CARS1: variants seen among roughly 807,000 people sequenced by gnomAD.
The protein encoded by CARS1 is cysteinyl-tRNA synthetase 1.
Under a neutral mutation model 106.2 loss-of-function variants are expected in CARS1, and 48 were observed. The observed-to-expected ratio is 0.45, with a 90% CI of 0.36 to 0.57. The LOEUF (loss-of-function observed/expected upper bound fraction) is 0.57. Ranked by LOEUF, CARS1 falls within the 20% of genes least tolerant of loss-of-function variation. The pLI is 0.00. For synonymous variants in CARS1, 409 were observed against 403.4 expected, an observed-to-expected ratio of 1.01 and a Z score of -0.17; for missense variants, 968 against 1,057.2, an observed-to-expected ratio of 0.92 and a Z score of 1.17.
rs780883071 is a variant in CARS1, at chr11:3,018,516, G to C, written c.1526-5C>G. 1 of 1,612,914 alleles carries C rather than the reference G, an allele frequency of 6.2e-7. No individual in the cohort carries two copies. Among genetic ancestry groups the C allele is most frequent in the Admixed American group, 1.7e-5 (1 of 60,020 alleles). On this transcript the variant is annotated splice_region_variant and splice_polypyrimidine_tract_variant and intron_variant, in intron 13 of 22. Transcript: ENST00000380525. ...AGGCCAGCCGCAACTGCCGTGCTGT[G>C]GGGGGACACAAGACAGCCAACGCCC...
rs762683953 is a variant in CARS1, at chr11:3,020,253, G to A, written c.1233C>T (p.Pro411=). 2.1e-5 allele frequency: 34 copies of A among 1,612,746 alleles called. No homozygotes were observed. Among genetic ancestry groups the A allele is most frequent in the East Asian group, 4.5e-5 (2 of 44,890 alleles). Residue 411 remains proline (P), a synonymous_variant, in exon 11 of 23, where the codon CCC becomes CCT. Transcript: ENST00000380525. The surrounding 1 kb of genome is among the most constrained non-coding windows in gnomAD (Gnocchi z 4.6). The part of the protein sequence containing the change: ...NDFALWKASK[P]GEPSWPCPWG... Reference sequence around the variant, plus strand: ...AAGGGCACGGCCAGGACGGTTCTCCGGGCTTAGAGGCCTTCCATAAGGCAA... The same window carrying A: ...AAGGGCACGGCCAGGACGGTTCTCCAGGCTTAGAGGCCTTCCATAAGGCAA...
chr11:3,032,979 A>G (rs1217978970), intron 7 of CARS1, among the ~76,000 whole-genome samples: 1 of 151,710 alleles, frequency 6.6e-6, no homozygotes, highest in African/African-American at 2.4e-5. Flanking sequence ...GGGGGAGGTG[A>G]CGGTGAGGTG....
In CARS1 at chr11:3,038,016, G is replaced by A. The variant is rs761119518; in HGVS notation, c.801+34C>T. The A allele has an allele frequency of 1.7e-5, 27 of 1,595,782 alleles. 1 individual carries two copies. The highest frequency in any genetic ancestry group is 7.7e-5 in the South Asian group (7 of 90,410). On this transcript the variant is annotated intron_variant, in intron 7 of 22. Coordinates refer to ENST00000380525, the MANE Select transcript of CARS1 (RefSeq NM_001014437.3). This position sits in a 1 kb window ranked among gnomAD's most constrained non-coding sequence, Gnocchi z 4.0. ...CTATGCACGGCCCGACATTTGACCC[G>A]AACGGGCTGTCTGGGAGATGTGTGA...
At position 3,054,039 on chromosome 11, in the gene CARS1, G is replaced by A. The variant is rs370371297; in HGVS notation, c.25+3304C>T. Among the ~76,000 whole-genome samples, 32 of 152,250 alleles carry A rather than the reference G, an allele frequency of 2.1e-4. 1 individual carries two copies. The South Asian group carries it at 4.8e-3, about 23-fold the overall frequency. ...CCAAGAAGTGTTCAGAAAGGGGACC[G>A]GAAAAAGCCCCCAGACATGAATCGT... On this transcript the variant is annotated intron_variant, in intron 1 of 22. Transcript: ENST00000380525.
Position 3,002,102 on chromosome 11 carries a change from G to A in CARS1, c.2278-49C>T, listed in dbSNP as rs765046058. ...TCACTGCCCCCGAGCAGCACCTGGG[G>A]CTCCGCACTGTGAACGACATCTGCT... On this transcript the variant is annotated intron_variant, in intron 21 of 22. Transcript: ENST00000380525. 5 of 1,265,872 alleles carry A rather than the reference G, an allele frequency of 3.9e-6. No homozygotes were observed. In the South Asian group the frequency reaches 6.0e-5, roughly 15 times the overall value. The allele number at this position is 1,265,872 out of a possible 1,614,324, so 78.4% of individuals were successfully genotyped here. A position where few individuals can be genotyped will look rare whatever the true frequency, so the allele number is the denominator to read the frequency against.
At position 3,052,019 on chromosome 11, in the gene CARS1, G is replaced by T. The variant is rs1290265223; in HGVS notation, c.26-4018C>A. On this transcript the variant is annotated intron_variant, in intron 1 of 22. Coordinates refer to ENST00000380525, the MANE Select transcript of CARS1 (RefSeq NM_001014437.3). This position sits in a 1 kb window ranked among gnomAD's most constrained non-coding sequence, Gnocchi z 4.6. ...AACACTGACAGTGACGATGGTTGATGAGAGGGGGTGACAGGTGATTTTAAT... is the reference window on the plus strand; with the variant it reads ...AACACTGACAGTGACGATGGTTGATTAGAGGGGGTGACAGGTGATTTTAAT... Among the ~76,000 whole-genome samples the T allele has an allele frequency of 6.6e-6, 1 of 152,264 alleles. No homozygotes were observed. Among genetic ancestry groups the T allele is most frequent in the Admixed American group, 6.5e-5 (1 of 15,290 alleles).
intron 17 of CARS1, 146 bp from the exon 18 acceptor site, chr11:3,012,422 A>G: frequency 2.9e-6 from 2 of 689,908 alleles, no homozygotes. Context: ...GGCATCCCAG[A>G]GCCTGGACGC....
chr11:3,017,740 G>A lies in CARS1; in HGVS notation c.1727+117C>T, dbSNP rs1179210688. 2.1e-5 allele frequency: 15 copies of A among 697,974 alleles called. No individual in the cohort carries two copies. Among genetic ancestry groups the A allele is most frequent in the East Asian group, 1.3e-4 (5 of 38,006 alleles). The allele number at this position is 697,974 out of a possible 1,614,324, so 43.2% of individuals were successfully genotyped here. A position where few individuals can be genotyped will look rare whatever the true frequency, so the allele number is the denominator to read the frequency against. The stretch of plus-strand genomic sequence containing the variant: ...CTATCCTGAATTAATTCTGCACAAC[G>A]TACGACAGTGTCCCCAGCCCTTCCT... On this transcript the variant is annotated intron_variant, in intron 15 of 22. Transcript: ENST00000380525. The surrounding 1 kb of genome is among the most constrained non-coding windows in gnomAD (Gnocchi z 4.9).
rs1387722019 is a variant in CARS1, at chr11:3,001,066, C to G, written c.*48G>C. ...GCTGGGACATTGTCACTGAGGCAGA[C>G]AGCAGCCACTAGTCCACAATGGTTT... On this transcript the variant is annotated 3_prime_UTR_variant, in exon 23 of 23. Transcript: ENST00000380525. 1 of 1,603,806 alleles carries G rather than the reference C, an allele frequency of 6.2e-7. No individual in the cohort carries two copies. The highest frequency in any genetic ancestry group is 1.7e-5 in the Admixed American group (1 of 59,884).
chr11:3,002,384 G>C, intron 21 of CARS1, 157 bp downstream of exon 21: 1 of 1,391,232 alleles, frequency 7.2e-7, no homozygotes, highest in Non-Finnish European at 9.8e-7. Flanking sequence ...AGAAGGGCCT[G>C]GCAGGCCTTG....
chr11:3,003,282 A>C lies in CARS1; in HGVS notation c.2218-682T>G, dbSNP rs1849561753. On this transcript the variant is annotated intron_variant, in intron 20 of 22. Coordinates refer to ENST00000380525, the MANE Select transcript of CARS1 (RefSeq NM_001014437.3). This position sits in a 1 kb window ranked among gnomAD's most constrained non-coding sequence, Gnocchi z 4.8. Reference sequence around the variant, plus strand: ...AAAAGGAGCAAGTTTGGGGAGTTGAAAATCACATTTTCACCTTTCCTTTGG... The same window carrying C: ...AAAAGGAGCAAGTTTGGGGAGTTGACAATCACATTTTCACCTTTCCTTTGG... 6.6e-6 allele frequency among the ~76,000 whole-genome samples: 1 copy of C among 152,202 alleles called. No individual in the cohort carries two copies. Among genetic ancestry groups the C allele is most frequent in the Non-Finnish European group, 1.5e-5 (1 of 68,040 alleles).
Position 3,019,187 on chromosome 11 carries a change from C to A in CARS1, c.1347G>T (p.Gly449=), listed in dbSNP as rs772251185. 26 of 1,528,922 alleles carry A rather than the reference C, an allele frequency of 1.7e-5. No individual in the cohort carries two copies. Among genetic ancestry groups the A allele is most frequent in the South Asian group, 1.3e-5 (1 of 77,528 alleles). 94.7% of individuals were successfully genotyped at this position (1,528,922 alleles called of 1,614,324 possible). A position where few individuals can be genotyped will look rare whatever the true frequency, so the allele number is the denominator to read the frequency against. ...CATGGTGGGGGAACCGGAGGTCGAA[C>A]CCACCTCCGTGAATGTCCATCGAAG... ...LGASMDIHGG[G]FDLRFPHHDN... The change falls in exon 12 of 23, where the codon GGG becomes GGT. Residue 449 remains glycine, a synonymous_variant. Coordinates refer to ENST00000380525, the MANE Select transcript of CARS1 (RefSeq NM_001014437.3). This position sits in a 1 kb window ranked among gnomAD's most constrained non-coding sequence, Gnocchi z 6.2.
At position 3,021,113 on chromosome 11, in the gene CARS1, C is replaced by T. The variant is rs919094465; in HGVS notation, c.1154-781G>A. On this transcript the variant is annotated intron_variant, in intron 10 of 22. Transcript: ENST00000380525. The surrounding 1 kb of genome is among the most constrained non-coding windows in gnomAD (Gnocchi z 5.3). The stretch of plus-strand genomic sequence containing the variant: ...ACTCAGCCACCTGACACTCAGGGTA[C>T]AAGGCGGTCTGAGTCCCCAGAAAAG... Among the ~76,000 whole-genome samples, 1 of 152,146 alleles carries T rather than the reference C, an allele frequency of 6.6e-6. No individual in the cohort carries two copies. Among genetic ancestry groups the T allele is most frequent in the Non-Finnish European group, 1.5e-5 (1 of 68,020 alleles).
At chr11:3,047,505 GC>G (rs2134291602) in intron 2 of CARS1, among the ~76,000 whole-genome samples, 1 of 152,218 alleles carries the variant, frequency 6.6e-6, no homozygotes, top group South Asian at 2.1e-4. Flanking sequence ...ACCACCTCAG[GC>G]AATCCTGCCA....
At chr11:3,025,793 G>T (rs997165492) in intron 10 of CARS1, among the ~76,000 whole-genome samples, 4 of 152,170 alleles carry the variant, frequency 2.6e-5, no homozygotes, top group Admixed American at 6.5e-5. Context: ...TCTAGAAAAA[G>T]TCTGATATCT....
Position 3,052,879 on chromosome 11 carries a change from T to C in CARS1, c.25+4464A>G, listed in dbSNP as rs958648463. Among the ~76,000 whole-genome samples, 1 of 152,240 alleles carries C rather than the reference T, an allele frequency of 6.6e-6. No homozygotes were observed. The highest frequency in any genetic ancestry group is 1.5e-5 in the Non-Finnish European group (1 of 68,034). On this transcript the variant is annotated intron_variant, in intron 1 of 22. Transcript: ENST00000380525. The surrounding 1 kb of genome is among the most constrained non-coding windows in gnomAD (Gnocchi z 4.6). ...CTCCCAGGGACCTGTTCCTCGACAC[T>C]GGCCCTCATCGTAGAGCCTGCACGC...
chr11:3,055,919 T>G (rs1329461046), intron 1 of CARS1, among the ~76,000 whole-genome samples: 2 of 152,034 alleles, frequency 1.3e-5, no homozygotes, highest in East Asian at 3.9e-4. Flanking sequence ...GGAGGCAGAG[T>G]TGGAACCCTG....
Position 3,017,161 on chromosome 11 carries a change from C to T in CARS1, c.1862G>A (p.Arg621Lys). The T allele has an allele frequency of 8.7e-6, 14 of 1,614,192 alleles. No individual in the cohort carries two copies. Among genetic ancestry groups the T allele is most frequent in the Non-Finnish European group, 1.2e-5 (14 of 1,180,020 alleles). Residue 621 changes from arginine to lysine, a missense_variant, in exon 16 of 23, where the codon AGG becomes AAG. Coordinates refer to ENST00000380525, the MANE Select transcript of CARS1 (RefSeq NM_001014437.3). The surrounding 1 kb of genome is among the most constrained non-coding windows in gnomAD (Gnocchi z 4.9). The part of the protein sequence containing the change: ...YMAARKAVRK[R>K]PNQALLENIA... ...GTTCTCCAGCAGAGCCTGGTTGGGCCTCTTCCTCACGGCTTTCCGGGCTGC... is the reference window on the plus strand; with the variant it reads ...GTTCTCCAGCAGAGCCTGGTTGGGCTTCTTCCTCACGGCTTTCCGGGCTGC...
chr11:3,042,293 C>T (rs763280287), intron 2 of CARS1, 37 bp from the exon 3 acceptor site: 1 of 1,540,516 alleles, frequency 6.5e-7, no homozygotes, highest in South Asian at 1.1e-5. Flanking sequence ...GGTCCAGGGG[C>T]AGCACCAGGA....
Sources: allele counts gnomAD v4.1 joint callset (sites outside exome capture counted in the v4.1 genomes callset), GRCh38; gene constraint gnomAD v4.1.1; non-coding constraint Gnocchi (gnomAD v3.1); transcripts MANE v1.5; gene names NCBI Gene and HGNC (gene_info 2026-07-23, HGNC 2026-07-21).